Variants in ZNF777 observed in about 807,000 individuals in gnomAD.
The protein encoded by ZNF777 is zinc finger protein 777.
ZNF777 carries 7 observed loss-of-function variants against 72.1 expected under a neutral mutation model. That is an observed-to-expected ratio of 0.10 (90% confidence interval 0.06 to 0.18). The LOEUF (loss-of-function observed/expected upper bound fraction) is 0.18, where lower values mean the gene tolerates loss of function less well. Among genes scored for constraint, ZNF777 ranks in the 10% least tolerant of loss-of-function variants. The pLI is 1.00. For missense variants in ZNF777, 828 were observed against 1,128.6 expected (o/e 0.73, Z 3.82); for synonymous variants, 545 against 483.5 (o/e 1.13, Z -1.67).
chr7:149,452,632 C>G (rs78245811), intron 3 of ZNF777, among the ~76,000 whole-genome samples: 1 of 72,988 alleles, frequency 1.4e-5, no homozygotes. Flanking sequence ...GACTCTGTCT[C>G]AAAAAAAAAA....
At chr7:149,454,345 T>G in intron 2 of ZNF777, 108 bp from the exon 3 acceptor site, 5 of 1,448,572 alleles carry the variant, frequency 3.5e-6, no homozygotes, top group Non-Finnish European at 3.7e-6. Context: ...CACCTAGGAC[T>G]TTTCTAGAAG....
chr7:149,431,583 G>T lies in ZNF777; in HGVS notation c.*193C>A. ...CCGCGCCCTCCCCCCTGGGGCCCCC[G>T]GGGAAACGCGGCAGCAAGGGACCTG... On this transcript the variant is annotated 3_prime_UTR_variant, in exon 6 of 6. Coordinates refer to ENST00000247930, the MANE Select transcript of ZNF777 (RefSeq NM_015694.3). 1 of 587,926 alleles carries T rather than the reference G, an allele frequency of 1.7e-6. No homozygotes were observed. Among genetic ancestry groups the T allele is most frequent in the Non-Finnish European group, 2.8e-6 (1 of 358,442 alleles). The allele number at this position is 587,926 out of a possible 1,614,324, so 36.4% of individuals were successfully genotyped here. A position where few individuals can be genotyped will look rare whatever the true frequency, so the allele number is the denominator to read the frequency against.
At chr7:149,450,806 G>A (rs138767563) in intron 4 of ZNF777, among the ~76,000 whole-genome samples, 193 bp downstream of exon 4, 131 of 152,270 alleles carry the variant, frequency 8.6e-4, no homozygotes, top group African/African-American at 2.5e-3. Flanking sequence ...TGAACCCAAC[G>A]GCATTCCCAT....
chr7:149,442,448 T>C (rs1484038554), intron 4 of ZNF777, among the ~76,000 whole-genome samples: 2 of 150,614 alleles, frequency 1.3e-5, no homozygotes, highest in Non-Finnish European at 3.0e-5. Flanking sequence ...TGAAACTCCG[T>C]CTCTACTAAA....
intron 4 of ZNF777, among the ~76,000 whole-genome samples, chr7:149,448,537 A>ATATATATATATATATAAC (rs1563237731): frequency 2.1e-4 from 29 of 139,042 alleles, no homozygotes; most frequent in South Asian, 6.6e-4. Flanking sequence ...ACATATAGTT[A>ATATATATATATATATAAC]TATATATAGT....
At chr7:149,449,530 C>T (rs923273866) in intron 4 of ZNF777, among the ~76,000 whole-genome samples, 3 of 152,196 alleles carry the variant, frequency 2.0e-5, no homozygotes, top group Non-Finnish European at 2.9e-5. Flanking sequence ...CCGCAAGGCC[C>T]CGTTGGGACA....
chr7:149,449,758 C>T (rs1799681742), intron 4 of ZNF777, among the ~76,000 whole-genome samples: 2 of 152,150 alleles, frequency 1.3e-5, no homozygotes, highest in South Asian at 2.1e-4. Context: ...AATCCCTCAT[C>T]CTCATCAATT....
chr7:149,432,100 G>A lies in ZNF777; in HGVS notation c.2172C>T (p.Cys724=). The part of the protein sequence containing the change: ...RTHTGERPFK[C]PECEKSFSEK... ...CGCTGAAGCTCTTCTCGCACTCGGG[G>A]CACTTGAAGGGCCGCTCGCCTGTGT... Residue 724 remains cysteine (C), a synonymous_variant, in exon 6 of 6, where the codon TGC becomes TGT. Coordinates refer to ENST00000247930, the MANE Select transcript of ZNF777 (RefSeq NM_015694.3). 1 of 1,605,762 alleles carries A rather than the reference G, an allele frequency of 6.2e-7. No homozygotes were observed. Among genetic ancestry groups the A allele is most frequent in the Non-Finnish European group, 8.5e-7 (1 of 1,179,916 alleles).
At chr7:149,457,460 T>C (rs13237635) in intron 1 of ZNF777, among the ~76,000 whole-genome samples, 98,208 of 152,136 alleles carry the variant, frequency 0.65, 32,699 homozygotes, top group East Asian at 0.82. Flanking sequence ...AGTATGTGTT[T>C]GATAAATGCC....
Position 149,455,330 on chromosome 7 carries a change from C to T in ZNF777, c.693G>A (p.Ala231=), listed in dbSNP as rs563766494. The T allele has an allele frequency of 1.2e-5, 19 of 1,614,196 alleles. No individual in the cohort carries two copies. The highest frequency in any genetic ancestry group is 8.9e-5 in the East Asian group (4 of 44,882). Reference sequence around the variant, plus strand: ...CGACCCACTTGCTCTCCAGATGGTTCGCGAACTCCACGGCTGTCTTCTCGC... The same window carrying T: ...CGACCCACTTGCTCTCCAGATGGTTTGCGAACTCCACGGCTGTCTTCTCGC... ...ADCEKTAVEF[A]NHLESKWVVL... The change falls in exon 2 of 6, where the codon GCG becomes GCA. Residue 231 remains alanine (A), a synonymous_variant. Transcript: ENST00000247930. This position sits in a 1 kb window ranked among gnomAD's most constrained non-coding sequence, Gnocchi z 4.2.
intron 1 of ZNF777, among the ~76,000 whole-genome samples, chr7:149,457,461 G>C (rs1237869364): frequency 6.6e-6 from 1 of 152,162 alleles, no homozygotes. Flanking sequence ...GTATGTGTTT[G>C]ATAAATGCCG....
chr7:149,458,272 A>C (rs1799870561), intron 1 of ZNF777, among the ~76,000 whole-genome samples: 1 of 152,200 alleles, frequency 6.6e-6, no homozygotes, highest in African/African-American at 2.4e-5. Flanking sequence ...TCAACAGCTA[A>C]GCCACCTCTG....
chr7:149,445,950 G>A (rs1799593379), intron 4 of ZNF777, among the ~76,000 whole-genome samples: 1 of 152,176 alleles, frequency 6.6e-6, no homozygotes, highest in African/African-American at 2.4e-5. Flanking sequence ...AGGTGTGGGG[G>A]TGCAAATTGG....
intron 1 of ZNF777, among the ~76,000 whole-genome samples, chr7:149,458,502 GAAACAAAACA>G (rs59457062): frequency 0.042 from 6,295 of 149,330 alleles, 384 homozygotes; most frequent in African/African-American, 0.13. Flanking sequence ...CTGAAACAAT[GAAACAAAACA>G]AAACAAAACA....
chr7:149,439,026 C>T (rs781045158), intron 4 of ZNF777, among the ~76,000 whole-genome samples: 5 of 152,148 alleles, frequency 3.3e-5, no homozygotes, highest in Non-Finnish European at 5.9e-5. Flanking sequence ...AAAAGTCATC[C>T]ATACCTCCAT....
chr7:149,453,302 AAAGG>A (rs1799759903), intron 3 of ZNF777, among the ~76,000 whole-genome samples: 1 of 152,238 alleles, frequency 6.6e-6, no homozygotes, highest in African/African-American at 2.4e-5. Flanking sequence ...AAGAATTTTA[AAAGG>A]AAGGGAATGT....
At chr7:149,459,309 A>C (rs547954879) in intron 1 of ZNF777, among the ~76,000 whole-genome samples, 210 of 152,220 alleles carry the variant, frequency 1.4e-3, no homozygotes, top group African/African-American at 4.7e-3. Context: ...CTGAGGGATG[A>C]TTTTTTAAGA....
At position 149,452,446 on chromosome 7, in the gene ZNF777, C is replaced by T. The variant is rs1388831112; in HGVS notation, c.974-1334G>A. 4.6e-5 allele frequency among the ~76,000 whole-genome samples: 7 copies of T among 151,402 alleles called. No homozygotes were observed. In the South Asian group the frequency reaches 1.2e-3, roughly 27 times the overall value. ...GAAATCAAGACCATCCTGGCTGACACGGTAAAACCCTGTCTCTACTAAAAA... is the reference window on the plus strand; with the variant it reads ...GAAATCAAGACCATCCTGGCTGACATGGTAAAACCCTGTCTCTACTAAAAA... On this transcript the variant is annotated intron_variant, in intron 3 of 5. Transcript: ENST00000247930.
intron 4 of ZNF777, among the ~76,000 whole-genome samples, chr7:149,444,202 A>G (rs1269167360): frequency 6.6e-6 from 1 of 152,196 alleles, no homozygotes; most frequent in Non-Finnish European, 1.5e-5. Context: ...TAAACTCTGT[A>G]GTATTCAGTG....
Sources: gnomAD v4.1 joint callset for allele counts (sites outside exome capture counted in the v4.1 genomes callset) on GRCh38, gnomAD v4.1.1 for gene constraint, Gnocchi (gnomAD v3.1) non-coding constraint, MANE v1.5 for transcripts, NCBI Gene and HGNC (gene_info 2026-07-23, HGNC 2026-07-21) for gene names.